Variants in DOCK2 observed in about 807,000 individuals in gnomAD.
DOCK2 encodes the protein dedicator of cytokinesis protein 2.
A neutral mutation model predicts 248.9 loss-of-function variants in DOCK2; 87 were observed. The observed-to-expected ratio is 0.35, with a 90% CI of 0.29 to 0.42. DOCK2 has a LOEUF of 0.42. Ranked by LOEUF, DOCK2 falls within the 10% of genes least tolerant of loss-of-function variation. DOCK2 has a pLI of 1.00. For synonymous variants in DOCK2, 805 were observed against 821.6 expected (o/e 0.98, Z 0.35); for missense variants, 1,747 against 2,300.2 (o/e 0.76, Z 4.92).
chr5:169,858,248 A>G (rs1459756139), intron 27 of DOCK2, among the ~76,000 whole-genome samples: 1 of 152,212 alleles, frequency 6.6e-6, no homozygotes, highest in African/African-American at 2.4e-5. Context: ...ACGCAGATAT[A>G]TGTACAAGGA....
intron 2 of DOCK2, among the ~76,000 whole-genome samples, chr5:169,661,583 C>G (rs1758448889): frequency 1.3e-5 from 2 of 152,192 alleles, no homozygotes; most frequent in South Asian, 4.1e-4. Context: ...ATCTGTTACC[C>G]TGTAACCTCT....
At chr5:169,991,207 C>T (rs1379567931) in intron 29 of DOCK2, among the ~76,000 whole-genome samples, 1 of 152,200 alleles carries the variant, frequency 6.6e-6, no homozygotes, top group African/African-American at 2.4e-5. Context: ...GGGAGTAGTA[C>T]ATGTAGTGTG....
intron 38 of DOCK2, among the ~76,000 whole-genome samples, chr5:170,045,235 T>C (rs1756661202): frequency 6.6e-6 from 1 of 152,200 alleles, no homozygotes; most frequent in Non-Finnish European, 1.5e-5. Flanking sequence ...TCAGGAGAAC[T>C]GGGGCCTGGT....
intron 27 of DOCK2, among the ~76,000 whole-genome samples, chr5:169,916,695 A>G (rs2113637500): frequency 6.6e-6 from 1 of 152,072 alleles, no homozygotes; most frequent in East Asian, 1.9e-4. Flanking sequence ...GAGACTTTTT[A>G]ATAACAACAG....
In DOCK2 at chr5:170,034,471, C is replaced by T. The variant is rs1299046718; in HGVS notation, c.3540C>T (p.Gly1180=). The change falls in exon 35 of 52, where the codon GGC becomes GGT. Residue 1180 remains glycine (G), a synonymous_variant. Transcript: ENST00000520908. ...SVENFVNLVK[G]LLEKLLDYRG... ...AGAACTTCGTGAACCTGGTCAAAGG[C>T]CTCCTGGAGAAGCTGCTGGATTACC... 6.2e-7 allele frequency: 1 copy of T among 1,614,170 alleles called. No homozygotes were observed. Among genetic ancestry groups the T allele is most frequent in the South Asian group, 1.1e-5 (1 of 91,080 alleles).
intron 2 of DOCK2, among the ~76,000 whole-genome samples, chr5:169,654,841 C>G (rs1401915945): frequency 1.3e-5 from 2 of 152,140 alleles, no homozygotes. Flanking sequence ...TAAATCACAC[C>G]TCTAATTCCA....
intron 22 of DOCK2, among the ~76,000 whole-genome samples, chr5:169,733,064 T>C (rs1003761771): frequency 6.6e-6 from 1 of 152,166 alleles, no homozygotes; most frequent in African/African-American, 2.4e-5. Flanking sequence ...GGTTTAATTG[T>C]GATGACTGAT....
chr5:169,996,256 C>G (rs1234896903), intron 30 of DOCK2, 92 bp downstream of exon 30: 20 of 1,325,970 alleles, frequency 1.5e-5, no homozygotes, highest in Non-Finnish European at 1.9e-5. Context: ...TCCCAAAGGC[C>G]ACAGAAGCTG....
intron 38 of DOCK2, among the ~76,000 whole-genome samples, chr5:170,045,138 A>G (rs187716618): frequency 4.6e-5 from 7 of 152,158 alleles, no homozygotes; most frequent in African/African-American, 1.2e-4. Context: ...TTCCACCTCT[A>G]TGCTACCTGA....
chr5:170,077,442 G>A (rs532619806), intron 47 of DOCK2, among the ~76,000 whole-genome samples: 1 of 152,140 alleles, frequency 6.6e-6, no homozygotes, highest in African/African-American at 2.4e-5. Context: ...ATGGTCAAGG[G>A]GGCCACCATG....
chr5:169,956,494 C>A (rs1222600728), intron 27 of DOCK2, among the ~76,000 whole-genome samples: 3 of 152,202 alleles, frequency 2.0e-5, no homozygotes, highest in Non-Finnish European at 2.9e-5. Flanking sequence ...TAAGGAGGGA[C>A]TTCCAAACAA....
At chr5:169,916,527 A>G (rs993742526) in intron 27 of DOCK2, among the ~76,000 whole-genome samples, 12 of 152,222 alleles carry the variant, frequency 7.9e-5, no homozygotes, top group Non-Finnish European at 1.3e-4. Context: ...CTGACTAGCT[A>G]TTGGGCAACC....
At chr5:169,851,260 G>T (rs1342777155) in intron 27 of DOCK2, among the ~76,000 whole-genome samples, 7 of 152,186 alleles carry the variant, frequency 4.6e-5, no homozygotes, top group Non-Finnish European at 1.0e-4. Context: ...TTCCTGTAAA[G>T]ATTTTTTAAA....
At chr5:170,073,103 TC>T (rs540712983) in intron 46 of DOCK2, among the ~76,000 whole-genome samples, 34 of 152,226 alleles carry the variant, frequency 2.2e-4, no homozygotes, top group Non-Finnish European at 4.4e-4. Context: ...GAAGATATTC[TC>T]CTATGTTTTA....
At chr5:169,771,108 T>C (rs1057456778) in intron 25 of DOCK2, among the ~76,000 whole-genome samples, 3 of 152,260 alleles carry the variant, frequency 2.0e-5, no homozygotes, top group Non-Finnish European at 4.4e-5. Context: ...GTCTCTTTAA[T>C]GCTGGATATT....
chr5:169,884,263 G>A lies in DOCK2; in HGVS notation c.2799+43411G>A, dbSNP rs1365098880. 1.7e-5 allele frequency: 3 copies of A among 173,414 alleles called. No homozygotes were observed. In the East Asian group the frequency reaches 4.8e-4, roughly 27 times the overall value. 10.7% of individuals were successfully genotyped at this position (173,414 alleles called of 1,614,324 possible). ...GATCTTGGAAGAAGCTGGCTGTCTT[G>A]AACAAAAAGACAACAAAAGTACCAT... On this transcript the variant is annotated intron_variant, in intron 27 of 51. Coordinates refer to ENST00000520908, the MANE Select transcript of DOCK2 (RefSeq NM_004946.3).
intron 25 of DOCK2, among the ~76,000 whole-genome samples, chr5:169,790,130 C>T (rs112695566): frequency 2.0e-5 from 3 of 152,068 alleles, no homozygotes; most frequent in East Asian, 1.9e-4. Flanking sequence ...TGCTTGAATC[C>T]AGGATAATTT....
At chr5:169,932,246 G>T (rs1775791099) in intron 27 of DOCK2, among the ~76,000 whole-genome samples, 1 of 152,176 alleles carries the variant, frequency 6.6e-6, no homozygotes, top group Non-Finnish European at 1.5e-5. Flanking sequence ...TGAGTTTACA[G>T]AGCCCTGTTA....
intron 8 of DOCK2, among the ~76,000 whole-genome samples, chr5:169,687,841 A>G (rs1172536714): frequency 1.3e-5 from 2 of 152,100 alleles, no homozygotes; most frequent in Non-Finnish European, 2.9e-5. Flanking sequence ...TCAAGGCAAA[A>G]ATCCTTGAAT....
Sources: allele counts gnomAD v4.1 joint callset (sites outside exome capture counted in the v4.1 genomes callset), GRCh38; gene constraint gnomAD v4.1.1; transcripts MANE v1.5; gene names NCBI Gene and HGNC (gene_info 2026-07-23, HGNC 2026-07-21).